DOK3: variants seen among roughly 807,000 people sequenced by gnomAD.
The protein encoded by DOK3 is Dok-like protein.
A neutral mutation model predicts 26.2 loss-of-function variants in DOK3; 23 were observed. The ratio of observed to expected loss-of-function variants is 0.88; its 90% CI spans 0.63 to 1.24. The LOEUF (loss-of-function observed/expected upper bound fraction) is 1.24. Among genes scored for constraint, DOK3 ranks in the 50% most tolerant of loss-of-function variants. The pLI, the probability that DOK3 is intolerant of heterozygous loss-of-function variation, is 0.00. For missense variants in DOK3, 619 were observed against 610.6 expected (o/e 1.01, Z -0.15); for synonymous variants, 268 against 268.2 (o/e 1.00, Z 0.01).
intron 3 of DOK3, among the ~76,000 whole-genome samples, chr5:177,505,378 C>T (rs1402643438): frequency 6.6e-6 from 1 of 152,128 alleles, no homozygotes; most frequent in Non-Finnish European, 1.5e-5. Context: ...AAAGGATGTC[C>T]CTTGCAGCCC....
intron 3 of DOK3, 25 bp from the exon 4 acceptor site, chr5:177,505,135 G>A (rs1480735493): frequency 2.5e-6 from 4 of 1,579,168 alleles, no homozygotes; most frequent in Non-Finnish European, 3.4e-6. Context: ...CAAGTCAAAG[G>A]TGAGAGCACC....
chr5:177,509,354 C>T, intron 2 of DOK3, 121 bp downstream of exon 2: 1 of 1,365,680 alleles, frequency 7.3e-7, no homozygotes, highest in Non-Finnish European at 9.9e-7. Context: ...GTGGGATCCT[C>T]CACCCTGACT....
Position 177,504,082 on chromosome 5 carries a change from G to A in DOK3, c.1224C>T (p.Gly408=), listed in dbSNP as rs966936089. 1 of 1,611,578 alleles carries A rather than the reference G, an allele frequency of 6.2e-7. No homozygotes were observed. The highest frequency in any genetic ancestry group is 8.5e-7 in the Non-Finnish European group (1 of 1,179,094). The change falls in exon 6 of 6, where the codon GGC becomes GGT. Residue 408 remains glycine (G), a synonymous_variant. Coordinates refer to ENST00000510898, the MANE Select transcript of DOK3 (RefSeq NM_001308236.3). The stretch of plus-strand genomic sequence containing the variant: ...CTGCCTGAGGGTCAGGGCGGCCTGT[G>A]CCCTCCACCTGATCCAGCTCCAGCA... ...RRLLELDQVE[G]TGRPDPQAGF...
chr5:177,507,710 C>T (rs939324897), intron 3 of DOK3, among the ~76,000 whole-genome samples: 10 of 152,214 alleles, frequency 6.6e-5, no homozygotes, highest in African/African-American at 2.4e-4. Context: ...CATCACAGAC[C>T]TTTTGGGGCT....
At chr5:177,507,200 T>C (rs1250999044) in intron 3 of DOK3, among the ~76,000 whole-genome samples, 1 of 151,662 alleles carries the variant, frequency 6.6e-6, no homozygotes, top group East Asian at 1.9e-4. Context: ...TTTTTTTTTT[T>C]GAGACAGGGT....
At chr5:177,508,940 C>T (rs1327592099) in intron 2 of DOK3, 1 of 231,862 alleles carries the variant, frequency 4.3e-6, no homozygotes, top group Non-Finnish European at 8.4e-6. Flanking sequence ...AGGGAGGCCT[C>T]TGCCTCAAGC....
Position 177,508,332 on chromosome 5 carries a change from C to T in DOK3, c.277G>A (p.Gly93Ser), listed in dbSNP as rs111533164. 2.9e-5 allele frequency: 47 copies of T among 1,595,100 alleles called. No individual in the cohort carries two copies. Among genetic ancestry groups the T allele is most frequent in the Non-Finnish European group, 3.7e-5 (43 of 1,176,184 alleles). The change falls in exon 3 of 6, where the codon GGT (glycine) becomes AGT (serine). Residue 93 changes from glycine (G) to serine (S), a missense_variant. By Grantham distance (56) the Gly-to-Ser change is moderately conservative. Coordinates refer to ENST00000510898, the MANE Select transcript of DOK3 (RefSeq NM_001308236.3). ...ADGESCPRDT[G>S]AFLLTTTERS... is the part of the protein sequence containing the mutation. ...TCGGTGGTGGTGAGCAGGAAGGCAC[C>T]GGTGTCCCGGGGGCAGCTCTCGCCG...
upstream of DOK3, chr5:177,510,031 G>A (rs566197290): frequency 2.2e-4 from 175 of 793,120 alleles, no homozygotes; most frequent in South Asian, 1.8e-3. Flanking sequence ...AATCTCTCTC[G>A]TGTTCACCTG....
Position 177,503,175 on chromosome 5 carries a change from A to C in DOK3, c.*808T>G, listed in dbSNP as rs1759529427. The C allele has an allele frequency of 7.0e-7, 1 of 1,433,316 alleles. No homozygotes were observed. The highest frequency in any genetic ancestry group is 9.5e-7 in the Non-Finnish European group (1 of 1,047,484). The allele number at this position is 1,433,316 out of a possible 1,614,324, so 88.8% of individuals were successfully genotyped here. On this transcript the variant is annotated 3_prime_UTR_variant, in exon 6 of 6. Coordinates refer to ENST00000510898, the MANE Select transcript of DOK3 (RefSeq NM_001308236.3). ...ATGGCGCCAGGAGCAGGAGCAGAGG[A>C]GGGAACGCAGCATGGAAGTCTTCAG...
Position 177,505,108 on chromosome 5 carries a change from C to G in DOK3, c.375G>C (p.Gly125=). 3 of 1,604,352 alleles carry G rather than the reference C, an allele frequency of 1.9e-6. No individual in the cohort carries two copies. Among genetic ancestry groups the G allele is most frequent in the East Asian group, 2.2e-5 (1 of 44,836 alleles). Residue 125 remains glycine, a splice_region_variant and synonymous_variant, in exon 4 of 6, where the codon GGG becomes GGC. Coordinates refer to ENST00000510898, the MANE Select transcript of DOK3 (RefSeq NM_001308236.3). ...MGPICQLAFP[G]TGEASSGSTD... ...TGGATCCTGAGGAGGCCTCCCCTGT[C>G]CCCTGGGGAATGAGTTCAAGTCAAA...
upstream of DOK3, chr5:177,509,947 C>T: frequency 1.3e-6 from 2 of 1,509,230 alleles, no homozygotes; most frequent in South Asian, 1.2e-5. Flanking sequence ...CTTCTCTAGC[C>T]AACTCCTGGC....
At chr5:177,505,897 T>C (rs1338395522) in intron 3 of DOK3, among the ~76,000 whole-genome samples, 2 of 152,084 alleles carry the variant, frequency 1.3e-5, no homozygotes, top group Non-Finnish European at 2.9e-5. Flanking sequence ...CCACCAGGCC[T>C]GGCTAATTTT....
At position 177,504,650 on chromosome 5, in the gene DOK3, G is replaced by A. The variant is rs367771899; in HGVS notation, c.656C>T (p.Ser219Phe). Residue 219 changes from serine to phenylalanine, a missense_variant, in exon 6 of 6, where the codon TCC (serine) becomes TTC (phenylalanine). Ser to Phe is a radical substitution (Grantham distance 155, BLOSUM62 -2). Transcript: ENST00000510898. ...GTGGCAGCGACGGCCGGCCTCAAAG[G>A]AGAACACGCCCTGGGCACAGGGCAC... ...RKFGSDKGVFSFEAGRRCHSG... is the reference protein window; with the variant it reads ...RKFGSDKGVFFFEAGRRCHSG... 3.9e-5 allele frequency: 63 copies of A among 1,612,976 alleles called. No homozygotes were observed. Among genetic ancestry groups the A allele is most frequent in the Admixed American group, 1.7e-4 (10 of 59,992 alleles).
Position 177,502,989 on chromosome 5 carries a change from G to A in DOK3, c.*994C>T, listed in dbSNP as rs1759501147. 7.1e-7 allele frequency: 1 copy of A among 1,410,274 alleles called. No individual in the cohort carries two copies. Among genetic ancestry groups the A allele is most frequent in the African/African-American group, 1.4e-5 (1 of 69,676 alleles). The allele number at this position is 1,410,274 out of a possible 1,614,324, so 87.4% of individuals were successfully genotyped here. Reference sequence around the variant, plus strand: ...GAGCTGGAAGGAGGTGGCGGCCAGAGGATGAGGCTTGGACAGGAGAGAGCA... The same window carrying A: ...GAGCTGGAAGGAGGTGGCGGCCAGAAGATGAGGCTTGGACAGGAGAGAGCA... On this transcript the variant is annotated 3_prime_UTR_variant, in exon 6 of 6. Coordinates refer to ENST00000510898, the MANE Select transcript of DOK3 (RefSeq NM_001308236.3).
In DOK3 at chr5:177,503,760, G is replaced by T. The variant is rs1006113384; in HGVS notation, c.*223C>A. The T allele has an allele frequency of 1.1e-5, 15 of 1,417,874 alleles. No individual in the cohort carries two copies. The highest frequency in any genetic ancestry group is 3.1e-5 in the Admixed American group (1 of 32,450). The allele number at this position is 1,417,874 out of a possible 1,614,324, so 87.8% of individuals were successfully genotyped here. ...GTGGGCAGGGGCGTGTGCCGTGAGT[G>T]CCCCTGCCGGGAGCTGCTCTGAGCT... is the stretch of plus-strand genomic sequence containing the variant. On this transcript the variant is annotated 3_prime_UTR_variant, in exon 6 of 6. Coordinates refer to ENST00000510898, the MANE Select transcript of DOK3 (RefSeq NM_001308236.3).
chr5:177,509,632 C>A lies in DOK3; in HGVS notation c.-92G>T, dbSNP rs764771815. The A allele has an allele frequency of 3.1e-6, 5 of 1,589,032 alleles. No homozygotes were observed. In the East Asian group the frequency reaches 1.1e-4, roughly 36 times the overall value. ...CTCCTCACACTTCCCCTTCTGGCCA[C>A]TTCCCGTCCCTCCGTCTAGAGACAG... On this transcript the variant is annotated 5_prime_UTR_variant, in exon 2 of 6. Transcript: ENST00000510898.
rs1356645923 is a variant in DOK3, at chr5:177,503,968, C to T, written c.*15G>A. The T allele has an allele frequency of 6.5e-7, 1 of 1,528,152 alleles. No individual in the cohort carries two copies. Among genetic ancestry groups the T allele is most frequent in the Admixed American group, 2.0e-5 (1 of 50,100 alleles). 94.7% of individuals were successfully genotyped at this position (1,528,152 alleles called of 1,614,324 possible). On this transcript the variant is annotated 3_prime_UTR_variant, in exon 6 of 6. Coordinates refer to ENST00000510898, the MANE Select transcript of DOK3 (RefSeq NM_001308236.3). ...GGGAGCACCTCTCCCCTCTGGCCAC[C>T]ACTCTGCTGGGCGTTCAGGGCCGGT... is the stretch of plus-strand genomic sequence containing the variant.
chr5:177,507,479 G>A (rs1760352472), intron 3 of DOK3, among the ~76,000 whole-genome samples: 1 of 151,924 alleles, frequency 6.6e-6, no homozygotes, highest in South Asian at 2.1e-4. Context: ...TTTTAAGATA[G>A]GGTCTTGCTC....
upstream of DOK3, chr5:177,510,012 T>C: frequency 4.4e-6 from 4 of 918,086 alleles, no homozygotes; most frequent in Non-Finnish European, 6.6e-6. Flanking sequence ...TGCTTTTCTT[T>C]CTCCCTGAAA....
Sources: allele counts gnomAD v4.1 joint callset (sites outside exome capture counted in the v4.1 genomes callset), GRCh38; gene constraint gnomAD v4.1.1; transcripts MANE v1.5; gene names NCBI Gene and HGNC (gene_info 2026-07-23, HGNC 2026-07-21).